Variants in NEK10 observed in about 807,000 individuals in gnomAD.
NEK10 encodes the protein serine/threonine-protein kinase Nek10.
Under a neutral mutation model 159.8 loss-of-function variants are expected in NEK10, and 122 were observed. The ratio of observed to expected loss-of-function variants is 0.76; its 90% CI spans 0.66 to 0.89. The LOEUF (loss-of-function observed/expected upper bound fraction) is 0.89. Among genes scored for constraint, NEK10 ranks in the 40% least tolerant of loss-of-function variants. The pLI is 0.00. For missense variants in NEK10, 1,342 were observed against 1,323.1 expected, an observed-to-expected ratio of 1.01 and a Z score of -0.22; for synonymous variants, 466 against 457.1, an observed-to-expected ratio of 1.02 and a Z score of -0.25.
chr3:27,322,444 T>C (rs909388270), intron 5 of NEK10, among the ~76,000 whole-genome samples, 183 bp from the exon 6 acceptor site: 3 of 150,406 alleles, frequency 2.0e-5, no homozygotes, highest in African/African-American at 7.3e-5. Flanking sequence ...TAAACTATCT[T>C]TTTCAGTGTG....
At chr3:27,174,957 G>T (rs189624043) in intron 26 of NEK10, 124 bp from the exon 27 acceptor site, 10 of 756,812 alleles carry the variant, frequency 1.3e-5, no homozygotes, top group Non-Finnish European at 2.1e-5. Flanking sequence ...TGCAGAAGAC[G>T]CATCAGTAGT....
intron 22 of NEK10, among the ~76,000 whole-genome samples, chr3:27,264,406 A>T (rs2040701245): frequency 6.6e-6 from 1 of 152,218 alleles, no homozygotes; most frequent in Non-Finnish European, 1.5e-5. Flanking sequence ...ATGTAAGTAA[A>T]TCAAATCCAG....
chr3:27,331,262 A>AAAAAAAAAAAAAAAAAAAAAAAAAC lies in NEK10; in HGVS notation c.363-9002_363-9001insGTTTTTTTTTTTTTTTTTTTTTTTT. Among the ~76,000 whole-genome samples the AAAAAAAAAAAAAAAAAAAAAAAAAC allele has an allele frequency of 1.3e-3, 139 of 110,066 alleles. 33 individuals carry two copies. The highest frequency in any genetic ancestry group is 2.1e-3 in the Non-Finnish European group (107 of 51,006). The allele number at this position is 110,066 out of a possible 152,430, so 72.2% of individuals were successfully genotyped here. A position where few individuals can be genotyped will look rare whatever the true frequency, so the allele number is the denominator to read the frequency against. ...CAAAAAAAAAAAAACAAAAAAAAAAAACACACAAACCTAAGACTTTTGAGG... is the reference window on the plus strand; with the variant it reads ...CAAAAAAAAAAAAACAAAAAAAAAAAAAAAAAAAAAAAAAAAAAAAAAAACACACACAAACCTAAGACTTTTGAGG... On this transcript the variant is annotated intron_variant, in intron 5 of 35. Transcript: ENST00000691995.
intron 1 of NEK10, among the ~76,000 whole-genome samples, chr3:27,367,802 G>T (rs1037484564): frequency 6.6e-6 from 1 of 152,140 alleles, no homozygotes; most frequent in East Asian, 1.9e-4. Context: ...GAGTGTGGGG[G>T]TGCAAAAAGG....
intron 22 of NEK10, among the ~76,000 whole-genome samples, chr3:27,258,547 T>C (rs981402908): frequency 2.6e-5 from 4 of 152,120 alleles, no homozygotes; most frequent in Admixed American, 2.6e-4. Flanking sequence ...AAGACATGAA[T>C]TCATCATTTT....
At chr3:27,309,092 C>T in intron 9 of NEK10, 87 bp from the exon 10 acceptor site, 1 of 682,026 alleles carries the variant, frequency 1.5e-6, no homozygotes, top group Admixed American at 2.5e-5. Context: ...TTTCCATTAC[C>T]AGCTGCTTGA....
chr3:27,364,348 TTGTGTGTGTGTGTGTGTGTGTG>T (rs4016621), intron 1 of NEK10, among the ~76,000 whole-genome samples: 95 of 120,658 alleles, frequency 7.9e-4, no homozygotes, highest in South Asian at 6.4e-3. Flanking sequence ...GCCTGGCTAA[TTGTGTGTGTGTGTGTGTGTGTG>T]TGTGTGTGTG....
chr3:27,364,520 A>C (rs978769845), intron 1 of NEK10, among the ~76,000 whole-genome samples: 3 of 151,974 alleles, frequency 2.0e-5, no homozygotes, highest in African/African-American at 7.2e-5. Flanking sequence ...GAGCCACAGC[A>C]CCCGGCCATG....
intron 30 of NEK10, among the ~76,000 whole-genome samples, chr3:27,158,656 G>A (rs955523367): frequency 5.3e-5 from 8 of 152,154 alleles, no homozygotes; most frequent in Non-Finnish European, 1.0e-4. Context: ...CAGCGCCTGG[G>A]TGTCAGGTGC....
chr3:27,302,888 C>T (rs1319645217), intron 12 of NEK10, among the ~76,000 whole-genome samples: 1 of 152,116 alleles, frequency 6.6e-6, no homozygotes, highest in Non-Finnish European at 1.5e-5. Flanking sequence ...GTAGGGATCT[C>T]TTCACCTGAT....
chr3:27,366,984 A>G (rs2049141484), intron 1 of NEK10, among the ~76,000 whole-genome samples: 1 of 151,242 alleles, frequency 6.6e-6, no homozygotes, highest in Admixed American at 6.6e-5. Context: ...CTAATTTTGT[A>G]TTTTTTGTAG....
intron 5 of NEK10, among the ~76,000 whole-genome samples, chr3:27,339,734 G>A (rs1455452013): frequency 8.0e-5 from 12 of 150,080 alleles, no homozygotes; most frequent in Non-Finnish European, 1.0e-4. Context: ...AGCCGAGATC[G>A]GGCCACTGCA....
At chr3:27,132,088 C>T in intron 31 of NEK10, 98 bp from the exon 32 acceptor site, 1 of 544,392 alleles carries the variant, frequency 1.8e-6, no homozygotes. Context: ...ACAATATTCA[C>T]TCAATAGGAC....
intron 22 of NEK10, among the ~76,000 whole-genome samples, chr3:27,281,340 C>T (rs1243998662): frequency 6.6e-6 from 1 of 151,946 alleles, no homozygotes; most frequent in Non-Finnish European, 1.5e-5. Context: ...GATTGAAGAG[C>T]ACACGTGGCT....
chr3:27,143,444 C>T (rs1362723118), intron 30 of NEK10: 1 of 761,530 alleles, frequency 1.3e-6, no homozygotes, highest in East Asian at 2.4e-5. Context: ...TTTGACTCTA[C>T]CTTGCCACAA....
At chr3:27,315,806 G>T (rs1304645606) in intron 6 of NEK10, among the ~76,000 whole-genome samples, 1 of 152,170 alleles carries the variant, frequency 6.6e-6, no homozygotes, top group Admixed American at 6.6e-5. Context: ...GTGTTACGAG[G>T]CGCCAGAATA....
At chr3:27,316,309 C>T (rs192624487) in intron 6 of NEK10, among the ~76,000 whole-genome samples, 29 of 151,974 alleles carry the variant, frequency 1.9e-4, no homozygotes, top group Middle Eastern at 3.4e-3. Flanking sequence ...GTATTTGAAG[C>T]GATATGATCA....
intron 1 of NEK10, among the ~76,000 whole-genome samples, chr3:27,363,187 G>A (rs750830679): frequency 1.2e-4 from 18 of 152,180 alleles, no homozygotes; most frequent in Admixed American, 2.0e-4. Flanking sequence ...GCTGGATGTC[G>A]CATCCTTCAT....
chr3:27,227,413 C>T (rs1204146512), intron 23 of NEK10, among the ~76,000 whole-genome samples: 2 of 152,326 alleles, frequency 1.3e-5, no homozygotes, highest in Middle Eastern at 6.8e-3. Context: ...AGGGAGCAGG[C>T]TCATTAGCAT....
Sources: gnomAD v4.1 joint callset for allele counts (sites outside exome capture counted in the v4.1 genomes callset) on GRCh38, gnomAD v4.1.1 for gene constraint, MANE v1.5 for transcripts, NCBI Gene and HGNC (gene_info 2026-07-23, HGNC 2026-07-21) for gene names.